The following CSMD1 variants were observed in gnomAD, a reference collection of about 807,000 sequenced individuals.
CSMD1 encodes the protein CUB and Sushi multiple domains 1, also known as CUB and sushi domain-containing protein 1.
A neutral mutation model predicts 417.5 loss-of-function variants in CSMD1; 213 were observed. The observed-to-expected ratio is 0.51, with a 90% confidence interval of 0.46 to 0.57. The LOEUF (loss-of-function observed/expected upper bound fraction) is 0.57. CSMD1 is among the 20% of genes least tolerant of loss of function. The pLI, the probability that CSMD1 is intolerant of heterozygous loss-of-function variation, is 0.00. For missense variants in CSMD1, 6,923 were observed against 4,529.7 expected (o/e 1.53, Z -15.17); for synonymous variants, 2,862 against 1,736.8 (o/e 1.65, Z -16.11).
intron 2 of CSMD1, among the ~76,000 whole-genome samples, chr8:4,523,376 G>A (rs1016300559): frequency 1.6e-4 from 25 of 152,114 alleles, no homozygotes; most frequent in African/African-American, 6.0e-4. Context: ...TGTTGTAGCT[G>A]TTGTTTTTTT....
At chr8:3,038,775 C>A (rs1423415698) in intron 50 of CSMD1, among the ~76,000 whole-genome samples, 1 of 152,042 alleles carries the variant, frequency 6.6e-6, no homozygotes, top group Non-Finnish European at 1.5e-5. Context: ...AAGAATATAT[C>A]CACATACTCA....
intron 12 of CSMD1, among the ~76,000 whole-genome samples, chr8:3,467,972 T>C (rs1483749106): frequency 6.6e-6 from 1 of 152,252 alleles, no homozygotes; most frequent in Non-Finnish European, 1.5e-5. Context: ...TTCTCATTTT[T>C]ACCTAAACAC....
chr8:3,089,673 A>G (rs1346254000), intron 48 of CSMD1, among the ~76,000 whole-genome samples: 2 of 152,220 alleles, frequency 1.3e-5, no homozygotes, highest in African/African-American at 4.8e-5. Flanking sequence ...TGAGTCATCA[A>G]TTCTAAGTAA....
chr8:4,915,052 G>C (rs150178255), intron 1 of CSMD1, among the ~76,000 whole-genome samples: 1 of 152,286 alleles, frequency 6.6e-6, no homozygotes, highest in East Asian at 1.9e-4. Flanking sequence ...GGAGGGAATA[G>C]AAATTGAATT....
chr8:4,572,849 G>A (rs960546624), intron 2 of CSMD1, among the ~76,000 whole-genome samples: 2 of 151,980 alleles, frequency 1.3e-5, no homozygotes, highest in Non-Finnish European at 2.9e-5. Context: ...TTGTCTTCAT[G>A]CTTTATTTCA....
intron 2 of CSMD1, among the ~76,000 whole-genome samples, chr8:4,432,758 G>A (rs929150090): frequency 6.6e-5 from 10 of 152,252 alleles, no homozygotes; most frequent in Admixed American, 1.3e-4. Context: ...GGCCATAGAG[G>A]AAATAAAAAT....
intron 28 of CSMD1, among the ~76,000 whole-genome samples, chr8:3,222,433 T>A (rs575358965): frequency 5.3e-5 from 8 of 152,132 alleles, no homozygotes; most frequent in South Asian, 2.1e-4. Flanking sequence ...CCTCAGCCTC[T>A]CGAGTAGCTA....
At chr8:3,998,472 C>G (rs1815398544) in intron 4 of CSMD1, among the ~76,000 whole-genome samples, 2 of 152,164 alleles carry the variant, frequency 1.3e-5, no homozygotes, top group South Asian at 2.1e-4. Context: ...CATTTTGAGA[C>G]TTAAAAACAT....
chr8:4,139,193 G>A (rs117124357), intron 3 of CSMD1, among the ~76,000 whole-genome samples: 45,008 of 151,960 alleles, frequency 0.3, 8,090 homozygotes, highest in Non-Finnish European at 0.39. Context: ...TTCAGTTTCA[G>A]TATCTTCCTG....
chr8:4,727,565 T>C (rs1031814134), intron 1 of CSMD1, among the ~76,000 whole-genome samples: 4 of 152,178 alleles, frequency 2.6e-5, no homozygotes, highest in Admixed American at 1.3e-4. Flanking sequence ...AACTCCACTA[T>C]GCAGATTTAT....
rs180847260 is a variant in CSMD1, at chr8:3,455,512, G to C, written c.1561+13200C>G. On this transcript the variant is annotated intron_variant, in intron 12 of 69. Transcript: ENST00000635120. ...TTTGGTGTGGATGTCCTTTCTGTTT[G>C]TTAGTTTTCCTTCTAACAGTCAGGA... 6.0e-3 allele frequency among the ~76,000 whole-genome samples: 920 copies of C among 152,268 alleles called. 12 individuals are homozygous for C. Among genetic ancestry groups the C allele is most frequent in the African/African-American group, 0.02 (836 of 41,540 alleles).
At chr8:4,482,548 A>G (rs984563454) in intron 2 of CSMD1, among the ~76,000 whole-genome samples, 4 of 152,230 alleles carry the variant, frequency 2.6e-5, no homozygotes, top group South Asian at 2.1e-4. Context: ...TAGTGTTGCA[A>G]TGAACACACA....
chr8:3,041,813 C>T (rs181837835), intron 50 of CSMD1, among the ~76,000 whole-genome samples: 1 of 152,124 alleles, frequency 6.6e-6, no homozygotes, highest in Non-Finnish European at 1.5e-5. Flanking sequence ...TGGCAGCCAT[C>T]AAATGGCGGT....
chr8:4,269,888 T>C (rs1257939565), intron 3 of CSMD1, among the ~76,000 whole-genome samples: 2 of 152,188 alleles, frequency 1.3e-5, no homozygotes, highest in Non-Finnish European at 2.9e-5. Context: ...CTGGAGTTTA[T>C]ATTACAGAAT....
At chr8:3,493,112 G>A (rs781525291) in intron 11 of CSMD1, among the ~76,000 whole-genome samples, 1 of 151,984 alleles carries the variant, frequency 6.6e-6, no homozygotes, top group Non-Finnish European at 1.5e-5. Flanking sequence ...GGGCCAACAT[G>A]GCAAACGCCT....
chr8:4,108,558 C>T (rs1801689002), intron 3 of CSMD1, among the ~76,000 whole-genome samples: 1 of 152,126 alleles, frequency 6.6e-6, no homozygotes. Flanking sequence ...CAGAAATCAC[C>T]ATCCACTGAT....
At chr8:3,762,723 G>A (rs546529869) in intron 5 of CSMD1, among the ~76,000 whole-genome samples, 3 of 152,300 alleles carry the variant, frequency 2.0e-5, no homozygotes, top group Admixed American at 1.3e-4. Flanking sequence ...AAAGATGGTC[G>A]GGGGGAGCCA....
chr8:4,865,737 T>C (rs1332331329), intron 1 of CSMD1, among the ~76,000 whole-genome samples: 2 of 151,920 alleles, frequency 1.3e-5, no homozygotes, highest in African/African-American at 4.8e-5. Context: ...ATTTACTTAA[T>C]ATAAGAGAGA....
intron 3 of CSMD1, among the ~76,000 whole-genome samples, chr8:4,190,116 G>A (rs554269972): frequency 1.1e-4 from 16 of 151,874 alleles, no homozygotes; most frequent in African/African-American, 1.4e-4. Flanking sequence ...AAAATGAGCC[G>A]GGCGTGGTGG....
Sources: allele counts gnomAD v4.1 joint callset (sites outside exome capture counted in the v4.1 genomes callset), GRCh38; gene constraint gnomAD v4.1.1; transcripts MANE v1.5; gene names NCBI Gene and HGNC (gene_info 2026-07-23, HGNC 2026-07-21).